FBP1: variants seen among roughly 807,000 people sequenced by gnomAD.
FBP1 encodes the protein fructose-bisphosphatase 1, also known as fructose-1,6-bisphosphatase 1.
Under a neutral mutation model 29.9 loss-of-function variants are expected in FBP1, and 22 were observed. The ratio of observed to expected loss-of-function variants is 0.74; its 90% CI spans 0.53 to 1.05. The LOEUF (loss-of-function observed/expected upper bound fraction) is 1.05. FBP1 is among the 50% of genes least tolerant of loss of function. FBP1 has a pLI of 0.00. For missense variants in FBP1, 345 were observed against 448.2 expected, an observed-to-expected ratio of 0.77 and a Z score of 2.08; for synonymous variants, 175 against 178.6, an observed-to-expected ratio of 0.98 and a Z score of 0.16.
rs28369724 is a variant in FBP1 at position 94,611,109 on chromosome 9, T to C, written c.427-1048A>G. On this transcript the variant is annotated intron_variant, in intron 3 of 6. Coordinates refer to ENST00000375326, the MANE Select transcript of FBP1 (RefSeq NM_000507.4). Reference sequence around the variant, plus strand: ...CTATTTCCTGACCTCGTGATCCACCTGCCTCGGCCTCCCAAAGTGCTGGGA... The same window carrying C: ...CTATTTCCTGACCTCGTGATCCACCCGCCTCGGCCTCCCAAAGTGCTGGGA... 1.7e-3 allele frequency among the ~76,000 whole-genome samples: 255 copies of C among 152,224 alleles called. 1 individual carries two copies. The highest frequency in any genetic ancestry group is 6.0e-3 in the African/African-American group (250 of 41,556).
At chr9:94,617,964 A>G (rs1293263368) in intron 2 of FBP1, 104 bp from the exon 3 acceptor site, 1 of 858,228 alleles carries the variant, frequency 1.2e-6, no homozygotes, top group Non-Finnish European at 1.9e-6. Flanking sequence ...AAAGTTCAAA[A>G]AATGTGGGTC....
At chr9:94,607,344 A>C (rs1035847323) in intron 4 of FBP1, among the ~76,000 whole-genome samples, 1 of 152,226 alleles carries the variant, frequency 6.6e-6, no homozygotes. Flanking sequence ...GGGTTGGTTC[A>C]GGCGGGAGGT....
chr9:94,612,944 A>G (rs1827807515), intron 3 of FBP1, among the ~76,000 whole-genome samples: 1 of 152,144 alleles, frequency 6.6e-6, no homozygotes, highest in South Asian at 2.1e-4. Flanking sequence ...AGCACGGAGC[A>G]CTTGGCAAAA....
chr9:94,615,509 T>G (rs1206320819), intron 3 of FBP1, among the ~76,000 whole-genome samples: 2 of 152,202 alleles, frequency 1.3e-5, no homozygotes, highest in African/African-American at 4.8e-5. Flanking sequence ...TCTCCTGCTA[T>G]TCTGTGGATT....
chr9:94,608,642 A>G (rs1827736373), intron 4 of FBP1, among the ~76,000 whole-genome samples: 1 of 147,960 alleles, frequency 6.8e-6, no homozygotes, highest in Non-Finnish European at 1.5e-5. Context: ...ACATTTGGCG[A>G]CTTTAACTAG....
At chr9:94,620,587 A>G in intron 1 of FBP1, 96 bp from the exon 2 acceptor site, 2 of 1,216,894 alleles carry the variant, frequency 1.6e-6, no homozygotes, top group Non-Finnish European at 1.2e-6. Flanking sequence ...GGTAAGATTT[A>G]GAAGAAAGAG....
intron 3 of FBP1, among the ~76,000 whole-genome samples, chr9:94,615,730 G>A (rs1827852346): frequency 6.6e-6 from 1 of 152,006 alleles, no homozygotes. Flanking sequence ...AGATAACTGT[G>A]CCATGGGGGC....
At chr9:94,606,470 C>T (rs979383469) in intron 5 of FBP1, among the ~76,000 whole-genome samples, 3 of 152,198 alleles carry the variant, frequency 2.0e-5, no homozygotes, top group Non-Finnish European at 4.4e-5. Context: ...ATTTGTTTAA[C>T]TTTATTATCC....
At chr9:94,615,655 A>C (rs1466756924) in intron 3 of FBP1, among the ~76,000 whole-genome samples, 1 of 152,150 alleles carries the variant, frequency 6.6e-6, no homozygotes, top group African/African-American at 2.4e-5. Flanking sequence ...CTATTCCTCA[A>C]ACTGATTGTG....
At chr9:94,615,136 C>T (rs1341095352) in intron 3 of FBP1, among the ~76,000 whole-genome samples, 1 of 152,170 alleles carries the variant, frequency 6.6e-6, no homozygotes, top group East Asian at 1.9e-4. Flanking sequence ...TCGCAATCTC[C>T]TGACCTCGTG....
At chr9:94,639,035 G>T in intron 1 of FBP1, 106 bp downstream of exon 1, 2 of 1,132,680 alleles carry the variant, frequency 1.8e-6, no homozygotes, top group South Asian at 1.3e-5. Flanking sequence ...CAGACGGACA[G>T]ACAGAGGCTG....
chr9:94,616,291 G>A (rs1015717788), intron 3 of FBP1, among the ~76,000 whole-genome samples: 4 of 152,090 alleles, frequency 2.6e-5, no homozygotes, highest in African/African-American at 9.7e-5. Flanking sequence ...GGGGTGATGG[G>A]AGGGGATGAG....
Position 94,639,134 on chromosome 9 carries a change from G to T in FBP1, c.170+7C>A. 1.3e-6 allele frequency: 2 copies of T among 1,593,214 alleles called. No individual in the cohort carries two copies. The highest frequency in any genetic ancestry group is 2.3e-5 in the South Asian group (2 of 87,908). ...GGACGGGGCCCACCGCCCAAGGCCC[G>T]ACTCACAGGTGCGCGATGCCCGCCT... On this transcript the variant is annotated splice_region_variant and intron_variant, in intron 1 of 6. Transcript: ENST00000375326.
At chr9:94,633,173 ATTTC>A (rs1828134091) in intron 1 of FBP1, among the ~76,000 whole-genome samples, 2 of 152,146 alleles carry the variant, frequency 1.3e-5, no homozygotes, top group Non-Finnish European at 2.9e-5. Context: ...AGGACCAGCG[ATTTC>A]AGAAACTCCC....
At chr9:94,607,074 A>G in intron 4 of FBP1, 122 bp from the exon 5 acceptor site, 2 of 1,334,806 alleles carry the variant, frequency 1.5e-6, no homozygotes, top group Non-Finnish European at 2.1e-6. Flanking sequence ...GGCACCACTC[A>G]TCTTGGGGCC....
chr9:94,607,050 G>A, intron 4 of FBP1, 98 bp from the exon 5 acceptor site: 1 of 1,532,114 alleles, frequency 6.5e-7, no homozygotes, highest in Non-Finnish European at 9.0e-7. Flanking sequence ...GCTGGGCTGG[G>A]GTCGCGGCGC....
intron 6 of FBP1, chr9:94,603,839 A>G (rs1382828528): frequency 1.2e-5 from 6 of 492,842 alleles, no homozygotes; most frequent in African/African-American, 5.8e-5. Context: ...GACCACCTGC[A>G]TACTGGACAG....
chr9:94,630,506 C>T (rs1324909126), intron 1 of FBP1, among the ~76,000 whole-genome samples: 1 of 152,226 alleles, frequency 6.6e-6, no homozygotes, highest in Admixed American at 6.5e-5. Context: ...CCCAGCTCTG[C>T]TCCATGCTCA....
intron 1 of FBP1, among the ~76,000 whole-genome samples, chr9:94,629,393 G>A (rs1828070817): frequency 6.6e-6 from 1 of 152,190 alleles, no homozygotes; most frequent in African/African-American, 2.4e-5. Context: ...GGGCGCTTCT[G>A]GAAATAAAAC....
Sources: gnomAD v4.1 joint callset for allele counts (sites outside exome capture counted in the v4.1 genomes callset) on GRCh38, gnomAD v4.1.1 for gene constraint, MANE v1.5 for transcripts, NCBI Gene and HGNC (gene_info 2026-07-23, HGNC 2026-07-21) for gene names.